PCDHGA1: variants seen among roughly 807,000 people sequenced by gnomAD.
The protein encoded by PCDHGA1 is protocadherin gamma subfamily A, 1.
Under a neutral mutation model 58.0 loss-of-function variants are expected in PCDHGA1, and 32 were observed. The ratio of observed to expected loss-of-function variants is 0.55; its 90% CI spans 0.42 to 0.74. The LOEUF is 0.74. Ranked by LOEUF, PCDHGA1 falls within the 30% of genes least tolerant of loss-of-function variation. PCDHGA1 has a pLI of 0.00. For synonymous variants in PCDHGA1, 498 were observed against 501.1 expected (o/e 0.99, Z 0.08); for missense variants, 1,205 against 1,182.3 (o/e 1.02, Z -0.28).
chr5:141,438,591 CATATATATATATATAT>C (rs946798767), intron 1 of PCDHGA1, among the ~76,000 whole-genome samples: 4 of 75,562 alleles, frequency 5.3e-5, no homozygotes, highest in East Asian at 3.5e-4. Context: ...TACATACATA[CATATATATATATATAT>C]ATATATATAT....
At position 141,384,552 on chromosome 5, in the gene PCDHGA1, C is replaced by A. The variant is rs752995629; in HGVS notation, c.2421+51447C>A. ...GCAGCAACATGTCACTGAGCCTGTTCGTGCTGGACCAGAATGACAACCCGC... is the reference window on the plus strand; with the variant it reads ...GCAGCAACATGTCACTGAGCCTGTTAGTGCTGGACCAGAATGACAACCCGC... On this transcript the variant is annotated intron_variant, in intron 1 of 3. Transcript: ENST00000517417. 1.4e-5 allele frequency: 22 copies of A among 1,614,148 alleles called. No individual in the cohort carries two copies. In the Admixed American group the frequency reaches 3.0e-4, roughly 22 times the overall value.
intron 1 of PCDHGA1, chr5:141,440,723 T>C (rs2098196558): frequency 6.6e-6 from 1 of 152,178 alleles, no homozygotes; most frequent in Non-Finnish European, 1.5e-5. Flanking sequence ...GTTGATCCTG[T>C]GTTAGAGAAG....
intron 1 of PCDHGA1, chr5:141,371,607 G>T (rs2149987986): frequency 6.2e-6 from 10 of 1,614,022 alleles, no homozygotes; most frequent in Admixed American, 1.7e-5. Context: ...ATACAGGTTG[G>T]TGACAGATGG....
intron 1 of PCDHGA1, chr5:141,396,655 C>T (rs1589287485): frequency 6.6e-6 from 1 of 152,052 alleles, no homozygotes; most frequent in South Asian, 2.1e-4. Context: ...AGTAAAAACT[C>T]GGTATAGGCT....
At position 141,331,921 on chromosome 5, in the gene PCDHGA1, G is replaced by A; in HGVS notation, c.1237G>A (p.Glu413Lys). Residue 413 changes from glutamate to lysine, a missense_variant, in exon 1 of 4, where the codon GAA (glutamate) becomes AAA (lysine). By Grantham distance (56) the Glu-to-Lys change is moderately conservative. Transcript: ENST00000517417. ...RLVTERTLDRELISGYNITIT... is the reference protein window; with the variant it reads ...RLVTERTLDRKLISGYNITIT... ...AGTGACTGAAAGAACACTGGACAGA[G>A]AACTTATCTCTGGGTACAACATCAC... 1 of 1,614,178 alleles carries A rather than the reference G, an allele frequency of 6.2e-7. No homozygotes were observed. The highest frequency in any genetic ancestry group is 8.5e-7 in the Non-Finnish European group (1 of 1,180,046).
chr5:141,376,294 C>G lies in PCDHGA1; in HGVS notation c.2421+43189C>G, dbSNP rs572453488. Reference sequence around the variant, plus strand: ...GAGGTGGCTTAGCGAGCATGCCCGGCTCGCACTTTGTGGGCGTGGAAGGGG... The same window carrying G: ...GAGGTGGCTTAGCGAGCATGCCCGGGTCGCACTTTGTGGGCGTGGAAGGGG... On this transcript the variant is annotated intron_variant, in intron 1 of 3. Transcript: ENST00000517417. 8.7e-6 allele frequency: 14 copies of G among 1,614,226 alleles called. No individual in the cohort carries two copies. The Admixed American group carries it at 2.3e-4, about 27-fold the overall frequency.
chr5:141,344,808 AC>A (rs1202930193), intron 1 of PCDHGA1: 1 of 1,613,952 alleles, frequency 6.2e-7, no homozygotes, highest in South Asian at 1.1e-5. Context: ...GCCTGTGGGT[AC>A]CCGGCTGCTC....
rs376067853 is a variant in PCDHGA1, at chr5:141,408,397, G to C, written c.2421+75292G>C. 261 of 1,614,068 alleles carry C rather than the reference G, an allele frequency of 1.6e-4. 1 individual carries two copies. In the East Asian group the frequency reaches 5.2e-3, roughly 32 times the overall value. On this transcript the variant is annotated intron_variant, in intron 1 of 3. Coordinates refer to ENST00000517417, the MANE Select transcript of PCDHGA1 (RefSeq NM_018912.3). The stretch of plus-strand genomic sequence containing the variant: ...GTGTCCTGGATGTGTCGGCTCGCAA[G>C]CTGCGAGTGAGCGCGGAGAAGCTGC...
At chr5:141,408,566 G>A (rs779048929) in intron 1 of PCDHGA1, 2 of 1,613,912 alleles carry the variant, frequency 1.2e-6, no homozygotes, top group East Asian at 4.5e-5. Flanking sequence ...TGTCATTGTG[G>A]TGATTGAGGA....
rs539719239 is a variant in PCDHGA1, at chr5:141,431,888, G to A, written c.2422-62919G>A. The A allele has an allele frequency of 6.2e-7, 1 of 1,614,200 alleles. No homozygotes were observed. The highest frequency in any genetic ancestry group is 1.7e-5 in the Admixed American group (1 of 60,036). On this transcript the variant is annotated intron_variant, in intron 1 of 3. Coordinates refer to ENST00000517417, the MANE Select transcript of PCDHGA1 (RefSeq NM_018912.3). The surrounding 1 kb of genome is among the most constrained non-coding windows in gnomAD (Gnocchi z 4.8). ...TTTAAATGTAAATGACCAAGATTCT[G>A]AGGAAAACGGACAGGTGATCTGTTT... is the stretch of plus-strand genomic sequence containing the variant.
At chr5:141,393,639 A>G in intron 1 of PCDHGA1, 1 of 1,613,964 alleles carries the variant, frequency 6.2e-7, no homozygotes, top group Non-Finnish European at 8.5e-7. Context: ...AATCAACGGA[A>G]AAGTGGCATA....
chr5:141,371,035 C>T (rs1277378735), intron 1 of PCDHGA1: 1 of 1,614,000 alleles, frequency 6.2e-7, no homozygotes, highest in Non-Finnish European at 8.5e-7. Context: ...GTCCTCACAG[C>T]TGTGGATGGG....
chr5:141,423,348 C>G, intron 1 of PCDHGA1: 1 of 1,614,222 alleles, frequency 6.2e-7, no homozygotes. Flanking sequence ...TCTTCCTGGT[C>G]TTTGTCATCG....
At chr5:141,344,161 C>G (rs750149844) in intron 1 of PCDHGA1, 2 of 1,614,010 alleles carry the variant, frequency 1.2e-6, no homozygotes, top group Non-Finnish European at 1.7e-6. Context: ...GATAAAGGTT[C>G]CTTCGTGGGC....
chr5:141,505,041 C>T (rs1028101225), intron 2 of PCDHGA1, among the ~76,000 whole-genome samples: 4 of 152,142 alleles, frequency 2.6e-5, no homozygotes, highest in African/African-American at 9.7e-5. Flanking sequence ...AGGTGCCTGT[C>T]ATCCCAGCTA....
intron 1 of PCDHGA1, chr5:141,393,440 C>G (rs777552488): frequency 6.2e-7 from 1 of 1,614,042 alleles, no homozygotes; most frequent in Admixed American, 1.7e-5. Context: ...CTGCTCACCA[C>G]CTGGTCCTCA....
At chr5:141,376,179 C>T (rs777443061) in intron 1 of PCDHGA1, 9 of 1,614,014 alleles carry the variant, frequency 5.6e-6, no homozygotes, top group East Asian at 4.5e-5. Context: ...GCGGTGGCCG[C>T]GGTCTCCTGC....
intron 2 of PCDHGA1, among the ~76,000 whole-genome samples, chr5:141,500,381 T>G (rs1013284512): frequency 7.2e-5 from 11 of 151,786 alleles, no homozygotes; most frequent in African/African-American, 2.7e-4. Flanking sequence ...GCTAATTATT[T>G]TGTATTTTTA....
chr5:141,371,675 A>T (rs1373502908), intron 1 of PCDHGA1: 3 of 1,614,002 alleles, frequency 1.9e-6, no homozygotes, highest in South Asian at 2.2e-5. Context: ...CTACCGACAA[A>T]GGCAATCCAC....
Sources: gnomAD v4.1 joint callset for allele counts (sites outside exome capture counted in the v4.1 genomes callset) on GRCh38, gnomAD v4.1.1 for gene constraint, Gnocchi (gnomAD v3.1) non-coding constraint, MANE v1.5 for transcripts, NCBI Gene and HGNC (gene_info 2026-07-23, HGNC 2026-07-21) for gene names.